Variants in BRWD1 observed in about 807,000 individuals in gnomAD.
BRWD1 encodes the protein bromodomain and WD repeat domain containing 1.
In BRWD1, 82 loss-of-function variants were observed where a neutral mutation model predicts 251.2. The ratio of observed to expected loss-of-function variants is 0.33; its 90% confidence interval spans 0.27 to 0.39. The LOEUF is 0.39. BRWD1 is among the 10% of genes least tolerant of loss of function. The pLI is 1.00. For synonymous variants in BRWD1, 918 were observed against 902.8 expected (o/e 1.02, Z -0.30); for missense variants, 2,233 against 2,711.6 (o/e 0.82, Z 3.92).
Position 39,274,480 on chromosome 21 carries a change from CATTCAGAACAGGATCTTACTAT to C in BRWD1, c.1146-30_1146-9del. ...CTGCTACCACTTAGGAACCTTAAAA[CATTCAGAACAGGATCTTACTAT>C]ATTCACACACTTTCCAACAAGGGCT... is the stretch of plus-strand genomic sequence containing the variant. On this transcript the variant is annotated splice_polypyrimidine_tract_variant and intron_variant, in intron 12 of 40. Coordinates refer to ENST00000342449, the MANE Select transcript of BRWD1 (RefSeq NM_033656.4). The C allele has an allele frequency of 6.2e-7, 1 of 1,601,996 alleles. No individual in the cohort carries two copies. The highest frequency in any genetic ancestry group is 8.6e-7 in the Non-Finnish European group (1 of 1,169,292).
rs557187914 is a variant in BRWD1 at position 39,319,508 on chromosome 21, G to A, written n.534+1518C>T. On this transcript the variant is annotated intron_variant and non_coding_transcript_variant, in intron 1 of 4. Transcript: ENST00000470108. Reference sequence around the variant, plus strand: ...TGTCTGTGTTTGGATGTCGGAGTTGGGCAACCTCTTGGCTCGGATATTTTT... The same window carrying A: ...TGTCTGTGTTTGGATGTCGGAGTTGAGCAACCTCTTGGCTCGGATATTTTT... Among the ~76,000 whole-genome samples the A allele has an allele frequency of 1.5e-4, 23 of 152,268 alleles. No homozygotes were observed. The East Asian group carries it at 4.4e-3, about 29-fold the overall frequency.
chr21:39,248,842 C>T (rs911606562), intron 20 of BRWD1, among the ~76,000 whole-genome samples: 1 of 151,884 alleles, frequency 6.6e-6, no homozygotes, highest in African/African-American at 2.4e-5. Flanking sequence ...ACCATTCCAC[C>T]GAATAATCCC....
rs1351124977 is a variant in BRWD1 at position 39,187,378 on chromosome 21, C to G, written c.*8881G>C. The stretch of plus-strand genomic sequence containing the variant: ...ATCCTTCTGATTATGCATACATGTT[C>G]TCACTTTTGTATTGGGTTCTCTGTC... On this transcript the variant is annotated 3_prime_UTR_variant, in exon 41 of 41. Transcript: ENST00000342449. The G allele has an allele frequency of 6.2e-7, 1 of 1,602,384 alleles. No homozygotes were observed. Among genetic ancestry groups the G allele is most frequent in the Non-Finnish European group, 8.5e-7 (1 of 1,176,038 alleles).
At chr21:39,274,729 G>A (rs2146685677) in intron 12 of BRWD1, among the ~76,000 whole-genome samples, 1 of 152,270 alleles carries the variant, frequency 6.6e-6, no homozygotes, top group Admixed American at 6.5e-5. Context: ...ATTAAGTTTT[G>A]AAAATACAAT....
intron 8 of BRWD1, among the ~76,000 whole-genome samples, chr21:39,286,893 T>C (rs2035658817): frequency 6.6e-6 from 1 of 152,190 alleles, no homozygotes; most frequent in Non-Finnish European, 1.5e-5. Flanking sequence ...AAATACTTAA[T>C]TTTGTAATAT....
chr21:39,219,028 A>T (rs905895398), intron 29 of BRWD1, among the ~76,000 whole-genome samples: 2 of 97,852 alleles, frequency 2.0e-5, no homozygotes, highest in Admixed American at 2.4e-4. Context: ...TAAAATTTTT[A>T]AAAAGTCAAG....
At position 39,186,777 on chromosome 21, in the gene BRWD1, A is replaced by C; in HGVS notation, c.*9482T>G. The C allele has an allele frequency of 2.6e-6, 1 of 390,546 alleles. No homozygotes were observed. Among genetic ancestry groups the C allele is most frequent in the South Asian group, 6.8e-5 (1 of 14,694 alleles). The allele number at this position is 390,546 out of a possible 1,614,324, so 24.2% of individuals were successfully genotyped here. On this transcript the variant is annotated 3_prime_UTR_variant, in exon 41 of 41. Coordinates refer to ENST00000342449, the MANE Select transcript of BRWD1 (RefSeq NM_033656.4). ...TTCTGGAAAGGAATAGTAGTCTTATAGCAGGCCATTTGTCTTTTCTTTCCA... is the reference window on the plus strand; with the variant it reads ...TTCTGGAAAGGAATAGTAGTCTTATCGCAGGCCATTTGTCTTTTCTTTCCA...
intron 4 of BRWD1, among the ~76,000 whole-genome samples, chr21:39,304,252 G>A (rs1013858144): frequency 5.5e-5 from 8 of 144,764 alleles, no homozygotes; most frequent in South Asian, 2.1e-4. Context: ...AAAAGTGAGA[G>A]AAAGAATAAA....
chr21:39,212,185 C>G lies in BRWD1; in HGVS notation c.3900+481G>C, dbSNP rs8132094. The stretch of plus-strand genomic sequence containing the variant: ...TCACCCTATATTCTTGGAATAAACT[C>G]CTAATTCATCTCCTTTAATACACAT... On this transcript the variant is annotated intron_variant, in intron 34 of 40. Coordinates refer to ENST00000342449, the MANE Select transcript of BRWD1 (RefSeq NM_033656.4). Among the ~76,000 whole-genome samples the G allele has an allele frequency of 4.7e-3, 709 of 152,250 alleles. 10 individuals carry two copies. The highest frequency in any genetic ancestry group is 0.017 in the African/African-American group (690 of 41,548).
rs2036596452 is a variant in BRWD1 at position 39,313,569 on chromosome 21, C to T, written c.-78G>A. On this transcript the variant is annotated 5_prime_UTR_variant, in exon 1 of 41. Coordinates refer to ENST00000342449, the MANE Select transcript of BRWD1 (RefSeq NM_033656.4). ...CCGCGCCGAGGCCTGACCGGGCTGG[C>T]GTCCCCTCTTCTCAGGCGCGCGCCG... The T allele has an allele frequency of 2.5e-6, 3 of 1,204,438 alleles. No homozygotes were observed. The highest frequency in any genetic ancestry group is 2.1e-6 in the Non-Finnish European group (2 of 955,658). The allele number at this position is 1,204,438 out of a possible 1,614,324, so 74.6% of individuals were successfully genotyped here.
intron 10 of BRWD1, 41 bp downstream of exon 10, chr21:39,278,702 A>G (rs374387045): frequency 2.9e-4 from 304 of 1,042,708 alleles, no homozygotes; most frequent in Non-Finnish European, 3.8e-4. Context: ...ATAGATGTTT[A>G]AAAAAAAAAA....
intron 13 of BRWD1, among the ~76,000 whole-genome samples, chr21:39,272,712 A>G (rs574610919): frequency 6.7e-6 from 1 of 148,914 alleles, no homozygotes; most frequent in Non-Finnish European, 1.5e-5. Flanking sequence ...GGTTCAACTG[A>G]TTCTCCTGCT....
chr21:39,259,134 T>G (rs2034657758), intron 17 of BRWD1, among the ~76,000 whole-genome samples: 1 of 152,210 alleles, frequency 6.6e-6, no homozygotes, highest in Non-Finnish European at 1.5e-5. Context: ...TAAGACCTTT[T>G]TTAAGCCTTC....
chr21:39,272,987 A>C (rs1056721272), intron 13 of BRWD1, among the ~76,000 whole-genome samples: 3 of 152,204 alleles, frequency 2.0e-5, no homozygotes, highest in African/African-American at 7.2e-5. Flanking sequence ...TAGAACACTA[A>C]AATAAACAGA....
chr21:39,200,501 C>T (rs577809744), intron 38 of BRWD1, 115 bp from the exon 39 acceptor site: 3 of 831,190 alleles, frequency 3.6e-6, no homozygotes, highest in Admixed American at 7.4e-5. Context: ...AAGCAGATTC[C>T]TAAAATGCTT....
At position 39,193,243 on chromosome 21, in the gene BRWD1, TGTGA is replaced by T. The variant is rs556709413; in HGVS notation, c.*3012_*3015del. 6,937 of 984,904 alleles carry T rather than the reference TGTGA, an allele frequency of 7.0e-3. 24 individuals are homozygous for T. The highest frequency in any genetic ancestry group is 7.8e-3 in the Non-Finnish European group (6,499 of 829,494). The allele number at this position is 984,904 out of a possible 1,614,324, so 61.0% of individuals were successfully genotyped here. On this transcript the variant is annotated 3_prime_UTR_variant, in exon 41 of 41. Transcript: ENST00000342449. ...AACCTTTCTGTTGTAATTTACAAGC[TGTGA>T]GTAACTGCTATATCATTGTTTCCAA... is the stretch of plus-strand genomic sequence containing the variant.
In BRWD1 at chr21:39,313,060, G is replaced by A. The variant is rs1258808516; in HGVS notation, c.138+12C>T. 2.1e-6 allele frequency: 3 copies of A among 1,432,716 alleles called. No homozygotes were observed. Among genetic ancestry groups the A allele is most frequent in the African/African-American group, 3.0e-5 (2 of 67,216 alleles). 88.8% of individuals were successfully genotyped at this position (1,432,716 alleles called of 1,614,324 possible). ...GGAACCCGAGGGAGCGCGGGGACGG[G>A]CGCGCACAGACCTGGTACTGCTCCA... On this transcript the variant is annotated intron_variant, in intron 3 of 40. Transcript: ENST00000342449.
In BRWD1 at chr21:39,197,213, A is replaced by G. The variant is rs1367468640; in HGVS notation, c.5856T>C (p.Asn1952=). 4 of 1,613,966 alleles carry G rather than the reference A, an allele frequency of 2.5e-6. No homozygotes were observed. The African/African-American group carries it at 4.0e-5, about 16-fold the overall frequency. ...TTCCATTTTTGCTTCTAGTGTGCACATTTTCTAAACTGACATCTTCTACAT... is the reference window on the plus strand; with the variant it reads ...TTCCATTTTTGCTTCTAGTGTGCACGTTTTCTAAACTGACATCTTCTACAT... The part of the protein sequence containing the change: ...MSDVEDVSLE[N]VHTRSKNGRK... Residue 1952 remains asparagine (N), a synonymous_variant, in exon 41 of 41, where the codon AAT becomes AAC. Coordinates refer to ENST00000342449, the MANE Select transcript of BRWD1 (RefSeq NM_033656.4).
intron 11 of BRWD1, 117 bp from the exon 12 acceptor site, chr21:39,276,330 T>G: frequency 1.3e-6 from 1 of 749,414 alleles, no homozygotes; most frequent in Non-Finnish European, 2.1e-6. Flanking sequence ...TTTGCACTTG[T>G]GTTGCTTAGC....
Sources: gnomAD v4.1 joint callset for allele counts (sites outside exome capture counted in the v4.1 genomes callset) on GRCh38, gnomAD v4.1.1 for gene constraint, MANE v1.5 for transcripts, NCBI Gene and HGNC (gene_info 2026-07-23, HGNC 2026-07-21) for gene names.